DNAAF4: variants seen among roughly 807,000 people sequenced by gnomAD.
The protein encoded by DNAAF4 is dynein assembly factor 4, axonemal.
Under a neutral mutation model 51.8 loss-of-function variants are expected in DNAAF4, and 43 were observed. That is an observed-to-expected ratio of 0.83 (90% CI 0.65 to 1.07). The LOEUF is 1.07. Ranked by LOEUF, DNAAF4 falls within the 50% of genes least tolerant of loss-of-function variation. The probability of loss-of-function intolerance (pLI) is 0.00; values close to 1 mark genes in which losing one functional copy is unlikely to be tolerated. For synonymous variants in DNAAF4, 194 were observed against 165.6 expected, an observed-to-expected ratio of 1.17 and a Z score of -1.32; for missense variants, 581 against 493.0, an observed-to-expected ratio of 1.18 and a Z score of -1.69.
At chr15:55,505,650 G>T (rs1316091122) in intron 1 of DNAAF4, among the ~76,000 whole-genome samples, 1 of 151,972 alleles carries the variant, frequency 6.6e-6, no homozygotes, top group African/African-American at 2.4e-5. Context: ...ATCACTCTCA[G>T]CAAAATAGCA....
intron 5 of DNAAF4, among the ~76,000 whole-genome samples, chr15:55,465,393 T>TATAC (rs529039124): frequency 8.0e-5 from 12 of 149,802 alleles, no homozygotes; most frequent in South Asian, 2.1e-4. Context: ...GGTGTATATA[T>TATAC]ACACACACAC....
chr15:55,480,531 A>G (rs2058394878), intron 4 of DNAAF4, among the ~76,000 whole-genome samples: 3 of 152,140 alleles, frequency 2.0e-5, no homozygotes, highest in Admixed American at 2.0e-4. Flanking sequence ...ACTGGAACCA[A>G]TTGTTTGCAC....
chr15:55,479,044 T>C (rs1399171474), intron 4 of DNAAF4, among the ~76,000 whole-genome samples: 1 of 151,742 alleles, frequency 6.6e-6, no homozygotes, highest in African/African-American at 2.4e-5. Context: ...CTTTAAAGGA[T>C]ATGCAGTCTA....
At chr15:55,431,723 C>G (rs1595888671) in intron 9 of DNAAF4, among the ~76,000 whole-genome samples, 1 of 151,986 alleles carries the variant, frequency 6.6e-6, no homozygotes, top group South Asian at 2.1e-4. Context: ...TGTGATCCAC[C>G]TGCTTCGGCC....
intron 5 of DNAAF4, among the ~76,000 whole-genome samples, chr15:55,458,250 C>G (rs568328104): frequency 1.5e-3 from 222 of 151,614 alleles, no homozygotes; most frequent in Non-Finnish European, 2.7e-3. Flanking sequence ...CAAGAAGGCA[C>G]TAGAGGAAGG....
chr15:55,470,842 G>A (rs1034694231), intron 4 of DNAAF4, among the ~76,000 whole-genome samples: 8 of 137,362 alleles, frequency 5.8e-5, no homozygotes, highest in African/African-American at 2.1e-4. Flanking sequence ...TACTATGCCT[G>A]GCGGATTTTT....
intron 1 of DNAAF4, among the ~76,000 whole-genome samples, chr15:55,505,968 T>C (rs899262357): frequency 6.6e-6 from 1 of 152,188 alleles, no homozygotes; most frequent in African/African-American, 2.4e-5. Context: ...GTGTCTGTTA[T>C]CTTATGGGTG....
intron 7 of DNAAF4, chr15:55,418,337 C>T (rs1459764867): frequency 1.3e-6 from 2 of 1,540,996 alleles, no homozygotes; most frequent in Non-Finnish European, 1.8e-6. Flanking sequence ...TCCAAAGACA[C>T]TCCAGACAGC....
At chr15:55,483,843 T>C (rs1015424533) in intron 4 of DNAAF4, among the ~76,000 whole-genome samples, 1 of 61,806 alleles carries the variant, frequency 1.6e-5, no homozygotes, top group Non-Finnish European at 4.5e-5. Context: ...CTTTTTTTTT[T>C]TTTTTTTTTT....
At chr15:55,474,204 C>G (rs1483705304) in intron 4 of DNAAF4, among the ~76,000 whole-genome samples, 1 of 151,986 alleles carries the variant, frequency 6.6e-6, no homozygotes. Context: ...AAATAATAAA[C>G]TGACAAACCA....
At chr15:55,475,711 AACCCAT>A (rs569953535) in intron 4 of DNAAF4, among the ~76,000 whole-genome samples, 284 of 152,332 alleles carry the variant, frequency 1.9e-3, no homozygotes, top group Middle Eastern at 0.01. Context: ...ATAAATGCTC[AACCCAT>A]ACCAACATGA....
intron 1 of DNAAF4, among the ~76,000 whole-genome samples, chr15:55,505,284 A>C (rs2058721041): frequency 6.6e-6 from 1 of 152,174 alleles, no homozygotes; most frequent in South Asian, 2.1e-4. Context: ...GCTGGAGAGG[A>C]TGTGGAGAAA....
chr15:55,447,158 C>T (rs547459809), intron 6 of DNAAF4, among the ~76,000 whole-genome samples: 100 of 136,638 alleles, frequency 7.3e-4, no homozygotes, highest in African/African-American at 2.6e-3. Flanking sequence ...CAGGCAGAGG[C>T]GCTCCTCACA....
chr15:55,439,573 G>T lies in DNAAF4; in HGVS notation c.792C>A (p.His264Gln), dbSNP rs200906667. The T allele has an allele frequency of 1.7e-5, 28 of 1,613,534 alleles. No homozygotes were observed. Among genetic ancestry groups the T allele is most frequent in the Non-Finnish European group, 2.4e-5 (28 of 1,179,852 alleles). ...TTGCTCTTCGTGCCTCAGCTTGTTT[G>T]TGTAGCCACTAGAATGAGAAAGAAG... ...SQVAEEEEWL[H>Q]KQAEARRAMN... Residue 264 changes from histidine to glutamine, a missense_variant, in exon 7 of 10, where the codon CAC (histidine) becomes CAA (glutamine). Transcript: ENST00000321149.
chr15:55,504,130 AACAG>A (rs558880795), intron 1 of DNAAF4, among the ~76,000 whole-genome samples: 310 of 152,224 alleles, frequency 2.0e-3, no homozygotes, highest in African/African-American at 6.7e-3. Context: ...ATACACCATT[AACAG>A]ACAGAGAACC....
intron 6 of DNAAF4, among the ~76,000 whole-genome samples, chr15:55,449,282 G>A (rs945500003): frequency 3.2e-4 from 48 of 151,028 alleles, no homozygotes; most frequent in African/African-American, 1.1e-3. Flanking sequence ...GAGCCACCAC[G>A]CCCGGCTTGT....
At chr15:55,470,847 ATTTTTTTT>A (rs1169756178) in intron 4 of DNAAF4, among the ~76,000 whole-genome samples, 4 of 99,026 alleles carry the variant, frequency 4.0e-5, no homozygotes, top group African/African-American at 1.6e-4. Context: ...TGCCTGGCGG[ATTTTTTTT>A]TTTTTTTTTT....
At chr15:55,490,548 A>G (rs752964874) in intron 4 of DNAAF4, among the ~76,000 whole-genome samples, 39 of 152,230 alleles carry the variant, frequency 2.6e-4, no homozygotes, top group Non-Finnish European at 4.7e-4. Context: ...AGATTTAAAA[A>G]GAAGTAAAAC....
chr15:55,491,900 CTGCTGGAG>C (rs1744038060), intron 3 of DNAAF4, among the ~76,000 whole-genome samples: 1 of 150,488 alleles, frequency 6.6e-6, no homozygotes, highest in African/African-American at 2.4e-5. Flanking sequence ...GTCACCCAGG[CTGCTGGAG>C]TGCAGTTAAG....
Sources: gnomAD v4.1 joint callset for allele counts (sites outside exome capture counted in the v4.1 genomes callset) on GRCh38, gnomAD v4.1.1 for gene constraint, MANE v1.5 for transcripts, NCBI Gene and HGNC (gene_info 2026-07-23, HGNC 2026-07-21) for gene names.